The following SYNE1 variants were observed in gnomAD, a reference collection of about 807,000 sequenced individuals.
The protein encoded by SYNE1 is spectrin repeat containing nuclear envelope protein 1, also known as nesprin-1.
A neutral mutation model predicts 1,111.0 loss-of-function variants in SYNE1; 616 were observed. The ratio of observed to expected loss-of-function variants is 0.55; its 90% CI spans 0.52 to 0.59. SYNE1 has a LOEUF of 0.59. SYNE1 is among the 20% of genes least tolerant of loss of function. SYNE1 has a pLI of 0.00. For synonymous variants in SYNE1, 3,855 were observed against 3,825.8 expected, an observed-to-expected ratio of 1.01 and a Z score of -0.28; for missense variants, 10,006 against 10,417.0, an observed-to-expected ratio of 0.96 and a Z score of 1.72.
intron 91 of SYNE1, among the ~76,000 whole-genome samples, chr6:152,307,300 AATT>A (rs1768123780): frequency 6.6e-6 from 1 of 152,206 alleles, no homozygotes; most frequent in Non-Finnish European, 1.5e-5. Flanking sequence ...GAAATTAAAT[AATT>A]AATTGCATTT....
intron 3 of SYNE1, among the ~76,000 whole-genome samples, chr6:152,543,211 A>T (rs963561855): frequency 1.3e-5 from 2 of 152,120 alleles, no homozygotes; most frequent in African/African-American, 4.8e-5. Context: ...TTTGTAGCAC[A>T]GCATATATTT....
At chr6:152,478,544 G>A (rs79899623) in intron 14 of SYNE1, 204 of 152,398 alleles carry the variant, frequency 1.3e-3, no homozygotes, top group Non-Finnish European at 2.6e-3. Context: ...AGTGAAGAGC[G>A]TGTATTCGGG....
chr6:152,206,845 G>A (rs144397222), intron 125 of SYNE1, among the ~76,000 whole-genome samples: 3 of 152,228 alleles, frequency 2.0e-5, no homozygotes, highest in Non-Finnish European at 4.4e-5. Flanking sequence ...AACTAAGTAT[G>A]GTTTTCAGTG....
At chr6:152,393,222 A>G (rs1316105299) in intron 51 of SYNE1, among the ~76,000 whole-genome samples, 2 of 152,182 alleles carry the variant, frequency 1.3e-5, no homozygotes, top group African/African-American at 4.8e-5. Context: ...GTGTTGAAGT[A>G]TATTTGGGCC....
At chr6:152,473,999 C>T (rs2098821320) in intron 14 of SYNE1, among the ~76,000 whole-genome samples, 1 of 152,196 alleles carries the variant, frequency 6.6e-6, no homozygotes, top group East Asian at 1.9e-4. Context: ...GCCTGGCCAA[C>T]ATGGTGAAAC....
chr6:152,627,981 C>G (rs570864523), intron 3 of SYNE1, among the ~76,000 whole-genome samples: 2 of 137,386 alleles, frequency 1.5e-5, no homozygotes, highest in South Asian at 4.5e-4. Flanking sequence ...TTGACAATAA[C>G]TCTTAATTCC....
Position 152,373,306 on chromosome 6 carries a change from G to C in SYNE1, c.9325-87C>G, listed in dbSNP as rs2097220251. On this transcript the variant is annotated intron_variant, in intron 58 of 145. Transcript: ENST00000367255. ...TTTTCTTTTTTTTTTTTGAGATGGA[G>C]TCTCACTCTGTCACTCAGGCTGGAG... is the stretch of plus-strand genomic sequence containing the variant. The C allele has an allele frequency of 2.5e-6, 3 of 1,190,316 alleles. No individual in the cohort carries two copies. In the Admixed American group the frequency reaches 7.7e-5, roughly 31 times the overall value. 73.7% of individuals were successfully genotyped at this position (1,190,316 alleles called of 1,614,324 possible). A position where few individuals can be genotyped will look rare whatever the true frequency, so the allele number is the denominator to read the frequency against.
At position 152,242,441 on chromosome 6, in the gene SYNE1, C is replaced by G. The variant is rs1413114681; in HGVS notation, c.19693-1G>C. The G allele has an allele frequency of 6.2e-7, 1 of 1,613,824 alleles. No individual in the cohort carries two copies. Among genetic ancestry groups the G allele is most frequent in the East Asian group, 2.2e-5 (1 of 44,874 alleles). On this transcript the variant is annotated splice_acceptor_variant, in intron 106 of 145. Coordinates refer to ENST00000367255, the MANE Select transcript of SYNE1 (RefSeq NM_182961.4). LOFTEE classifies it high-confidence loss of function. Reference sequence around the variant, plus strand: ...TCATCATCAGCTCATCATACATGTCCTAAGAAGCAGAGACCACAAGACTCA... The same window carrying G: ...TCATCATCAGCTCATCATACATGTCGTAAGAAGCAGAGACCACAAGACTCA...
At chr6:152,387,017 C>T in intron 54 of SYNE1, 55 bp downstream of exon 54, 1 of 1,379,670 alleles carries the variant, frequency 7.2e-7, no homozygotes, top group Non-Finnish European at 9.9e-7. Context: ...TAATATAAAT[C>T]AATATATTGT....
chr6:152,266,493 A>G (rs2092709634), intron 100 of SYNE1, among the ~76,000 whole-genome samples: 2 of 152,248 alleles, frequency 1.3e-5, no homozygotes, highest in South Asian at 4.1e-4. Flanking sequence ...CGGGTTTATT[A>G]CAGACACATA....
At chr6:152,390,151 A>G in intron 53 of SYNE1, 129 bp downstream of exon 53, 1 of 975,562 alleles carries the variant, frequency 1.0e-6, no homozygotes, top group Non-Finnish European at 1.6e-6. Context: ...AACTTAGACA[A>G]AGACAGGCAT....
chr6:152,195,368 C>T (rs78020718), intron 127 of SYNE1, among the ~76,000 whole-genome samples: 1,754 of 152,310 alleles, frequency 0.012, 24 homozygotes, highest in Non-Finnish European at 0.016. Context: ...TTGCTGGTGT[C>T]TTCGTATTGA....
intron 130 of SYNE1, chr6:152,167,735 T>C (rs767199510): frequency 1.9e-6 from 1 of 537,018 alleles, no homozygotes; most frequent in Non-Finnish European, 3.8e-6. Context: ...TAAATTTCAG[T>C]TTCATCAGAA....
At chr6:152,173,923 A>C (rs2065795376) in intron 130 of SYNE1, among the ~76,000 whole-genome samples, 1 of 152,148 alleles carries the variant, frequency 6.6e-6, no homozygotes. Context: ...TATCTAGAAA[A>C]CTCTCCACTG....
intron 70 of SYNE1, among the ~76,000 whole-genome samples, chr6:152,351,690 T>C (rs2096743367): frequency 6.6e-6 from 1 of 152,194 alleles, no homozygotes; most frequent in South Asian, 2.1e-4. Flanking sequence ...ATGGGAAAGA[T>C]ATGGGATCCT....
rs531908192 is a variant in SYNE1 at position 152,610,595 on chromosome 6, ACC to A, written c.67+17668_67+17669del. ...TTCAGGATATTATCCAGGAGAACTT[ACC>A]CAACCTAGCAAGGCAGGCCAACATT... On this transcript the variant is annotated intron_variant, in intron 3 of 145. Coordinates refer to ENST00000367255, the MANE Select transcript of SYNE1 (RefSeq NM_182961.4). 3.3e-3 allele frequency among the ~76,000 whole-genome samples: 504 copies of A among 152,316 alleles called. 2 individuals carry two copies. Among genetic ancestry groups the A allele is most frequent in the African/African-American group, 0.011 (478 of 41,568 alleles).
chr6:152,276,196 G>T (rs370086866), intron 98 of SYNE1, among the ~76,000 whole-genome samples: 10 of 151,566 alleles, frequency 6.6e-5, no homozygotes, highest in African/African-American at 2.2e-4. Context: ...CACCACACCC[G>T]GCTAATTTTT....
At chr6:152,168,004 T>C (rs1410636088) in intron 130 of SYNE1, 1 of 779,018 alleles carries the variant, frequency 1.3e-6, no homozygotes, top group South Asian at 1.3e-5. Context: ...ATCCTCTTCA[T>C]GTAACATTGG....
At chr6:152,624,593 T>A (rs2099682262) in intron 3 of SYNE1, among the ~76,000 whole-genome samples, 1 of 152,170 alleles carries the variant, frequency 6.6e-6, no homozygotes, top group Admixed American at 6.5e-5. Context: ...TAATACCCCT[T>A]TATTATACTA....
Sources: gnomAD v4.1 joint callset for allele counts (sites outside exome capture counted in the v4.1 genomes callset) on GRCh38, gnomAD v4.1.1 for gene constraint, MANE v1.5 for transcripts, NCBI Gene and HGNC (gene_info 2026-07-23, HGNC 2026-07-21) for gene names.